The following RAP1GDS1 variants were observed in gnomAD, a reference collection of about 807,000 sequenced individuals.
RAP1GDS1 encodes the protein RAP1, GTP-GDP dissociation stimulator 1.
In RAP1GDS1, 35 loss-of-function variants were observed where a neutral mutation model predicts 71.1. The ratio of observed to expected loss-of-function variants is 0.49; its 90% CI spans 0.38 to 0.65. The LOEUF is 0.65. Among genes scored for constraint, RAP1GDS1 ranks in the 30% least tolerant of loss-of-function variants. RAP1GDS1 has a pLI of 0.00. For synonymous variants in RAP1GDS1, 229 were observed against 243.1 expected, an observed-to-expected ratio of 0.94 and a Z score of 0.54; for missense variants, 663 against 706.1, an observed-to-expected ratio of 0.94 and a Z score of 0.69.
At chr4:98,369,561 A>G (rs1740048526) in intron 4 of RAP1GDS1, among the ~76,000 whole-genome samples, 1 of 152,250 alleles carries the variant, frequency 6.6e-6, no homozygotes, top group African/African-American at 2.4e-5. Context: ...ACATGATGAC[A>G]TGGATGAATC....
intron 1 of RAP1GDS1, among the ~76,000 whole-genome samples, chr4:98,274,484 A>T (rs776295985): frequency 6.6e-6 from 1 of 152,178 alleles, no homozygotes; most frequent in Non-Finnish European, 1.5e-5. Flanking sequence ...TTCCCTATTG[A>T]TGAATAATAG....
chr4:98,387,261 AT>A (rs1324787817), intron 5 of RAP1GDS1, among the ~76,000 whole-genome samples: 1 of 152,216 alleles, frequency 6.6e-6, no homozygotes, highest in African/African-American at 2.4e-5. Flanking sequence ...GGCCTTAGGA[AT>A]AAGGTAAACC....
intron 2 of RAP1GDS1, among the ~76,000 whole-genome samples, chr4:98,329,196 T>G (rs1330078878): frequency 6.6e-6 from 1 of 152,100 alleles, no homozygotes; most frequent in Non-Finnish European, 1.5e-5. Context: ...ATTTTTGAAT[T>G]GGGGGGGCAG....
At chr4:98,359,273 G>T (rs1738391141) in intron 4 of RAP1GDS1, among the ~76,000 whole-genome samples, 2 of 152,002 alleles carry the variant, frequency 1.3e-5, no homozygotes, top group Non-Finnish European at 2.9e-5. Flanking sequence ...CCTAGAAAGG[G>T]AATAACTGAT....
intron 2 of RAP1GDS1, among the ~76,000 whole-genome samples, chr4:98,307,078 T>G (rs2110309442): frequency 6.6e-6 from 1 of 152,126 alleles, no homozygotes; most frequent in South Asian, 2.1e-4. Context: ...TTATTTGTAC[T>G]GTATTTAAAA....
rs563226409 is a variant in RAP1GDS1, at chr4:98,407,031, A to G, written c.763+2429A>G. ...CTAAATGCTTATATTAGAAAAGGAA[A>G]AGAACTAAAATCAATGAGCCCAGTA... On this transcript the variant is annotated intron_variant, in intron 7 of 14. Coordinates refer to ENST00000408927, the MANE Select transcript of RAP1GDS1 (RefSeq NM_001100427.2). Among the ~76,000 whole-genome samples the G allele has an allele frequency of 9.2e-4, 140 of 152,232 alleles. 3 individuals carry two copies. The highest frequency in any genetic ancestry group is 3.2e-3 in the African/African-American group (133 of 41,562).
At chr4:98,315,112 C>G (rs1730757157) in intron 2 of RAP1GDS1, among the ~76,000 whole-genome samples, 1 of 152,058 alleles carries the variant, frequency 6.6e-6, no homozygotes, top group Non-Finnish European at 1.5e-5. Context: ...CTTTATTGTC[C>G]TTAATAACTC....
At chr4:98,298,217 T>C (rs1366389930) in intron 2 of RAP1GDS1, among the ~76,000 whole-genome samples, 1 of 152,148 alleles carries the variant, frequency 6.6e-6, no homozygotes. Flanking sequence ...AAGTGAAAGA[T>C]GAAGCAGCAG....
At chr4:98,346,753 C>G (rs1004824545) in intron 3 of RAP1GDS1, among the ~76,000 whole-genome samples, 2 of 152,186 alleles carry the variant, frequency 1.3e-5, no homozygotes, top group South Asian at 4.1e-4. Flanking sequence ...ACCATGTTAG[C>G]CAGGCTGGTC....
intron 6 of RAP1GDS1, among the ~76,000 whole-genome samples, chr4:98,401,535 A>G (rs905202133): frequency 1.3e-5 from 2 of 152,208 alleles, no homozygotes; most frequent in African/African-American, 4.8e-5. Context: ...AGCTTCATGT[A>G]TTTGTGAGGA....
chr4:98,394,575 C>T (rs1744237918), intron 6 of RAP1GDS1, among the ~76,000 whole-genome samples: 1 of 152,062 alleles, frequency 6.6e-6, no homozygotes, highest in Non-Finnish European at 1.5e-5. Flanking sequence ...TAAACTGGGC[C>T]TAATCCTTAC....
chr4:98,347,318 A>T (rs1736435669), intron 3 of RAP1GDS1, among the ~76,000 whole-genome samples: 1 of 152,206 alleles, frequency 6.6e-6, no homozygotes, highest in African/African-American at 2.4e-5. Flanking sequence ...AAAAGAAAGA[A>T]AGTAAAGCGT....
At chr4:98,406,736 A>G (rs890570294) in intron 7 of RAP1GDS1, among the ~76,000 whole-genome samples, 1 of 152,126 alleles carries the variant, frequency 6.6e-6, no homozygotes, top group Non-Finnish European at 1.5e-5. Context: ...AAGAACATGT[A>G]TACTTGTCAT....
intron 3 of RAP1GDS1, among the ~76,000 whole-genome samples, chr4:98,345,536 T>C (rs887472145): frequency 4.6e-5 from 7 of 151,032 alleles, no homozygotes; most frequent in Non-Finnish European, 1.0e-4. Flanking sequence ...TATAATAGAC[T>C]TAAGACTGAT....
intron 3 of RAP1GDS1, among the ~76,000 whole-genome samples, chr4:98,352,273 G>A (rs1010000439): frequency 1.3e-5 from 2 of 152,086 alleles, no homozygotes; most frequent in African/African-American, 4.8e-5. Flanking sequence ...ACCCCACTCA[G>A]TTTTGTGTAT....
intron 2 of RAP1GDS1, chr4:98,296,974 A>C: frequency 3.6e-6 from 1 of 279,072 alleles, no homozygotes. Context: ...ACAGCTTTAA[A>C]CTCTCTCCCT....
intron 2 of RAP1GDS1, among the ~76,000 whole-genome samples, chr4:98,326,528 G>A (rs765446265): frequency 2.0e-5 from 3 of 152,170 alleles, no homozygotes; most frequent in Non-Finnish European, 4.4e-5. Context: ...AAGCCAACAT[G>A]ATTCTATTTG....
intron 14 of RAP1GDS1, among the ~76,000 whole-genome samples, chr4:98,438,105 G>C (rs906193667): frequency 2.6e-5 from 4 of 151,944 alleles, no homozygotes; most frequent in African/African-American, 9.7e-5. Context: ...TCTGTTGTTA[G>C]GTACCTACAC....
intron 12 of RAP1GDS1, 79 bp downstream of exon 12, chr4:98,421,473 C>A: frequency 7.5e-7 from 1 of 1,339,466 alleles, no homozygotes; most frequent in Non-Finnish European, 9.9e-7. Context: ...GTCCTAACAA[C>A]TGGGATAATA....
Sources: allele counts gnomAD v4.1 joint callset (sites outside exome capture counted in the v4.1 genomes callset), GRCh38; gene constraint gnomAD v4.1.1; transcripts MANE v1.5; gene names NCBI Gene and HGNC (gene_info 2026-07-23, HGNC 2026-07-21).